ARK2N: variants seen among roughly 807,000 people sequenced by gnomAD.
ARK2N encodes the protein arkadia (RNF111) N-terminal like PKA signaling regulator 2N.
At chr18:46,255,445 C>CTTTTCTTTTTTTTTTTTTTT in the ARK2N span, among the ~76,000 whole-genome samples, 1 of 77,742 alleles carries the variant, frequency 1.3e-5, no homozygotes, top group African/African-American at 6.1e-5. Context: ...CTTTTCTTTT[C>CTTTTCTTTTTTTTTTTTTTT]TTTTTTTTTT....
chr18:46,238,454 GA>G, the ARK2N span, among the ~76,000 whole-genome samples: 14 of 151,902 alleles, frequency 9.2e-5, no homozygotes, highest in Admixed American at 7.9e-4. Flanking sequence ...TCTTTTTTTA[GA>G]AAAGAAAAAC....
chr18:46,192,635 C>T, the ARK2N span, among the ~76,000 whole-genome samples: 6 of 150,958 alleles, frequency 4.0e-5, no homozygotes, highest in African/African-American at 9.7e-5. Flanking sequence ...GATGTGATCT[C>T]GTCTCACTGC....
chr18:46,184,360 G>A, the ARK2N span, among the ~76,000 whole-genome samples: 1 of 152,168 alleles, frequency 6.6e-6, no homozygotes, highest in Non-Finnish European at 1.5e-5. Flanking sequence ...CTGACCTTGT[G>A]ATCTGCCTGC....
chr18:46,261,541 C>A, the ARK2N span, among the ~76,000 whole-genome samples: 5 of 152,210 alleles, frequency 3.3e-5, no homozygotes, highest in African/African-American at 1.2e-4. Context: ...TCCATGACTA[C>A]ATGGTCACTT....
chr18:46,254,000 G>C, the ARK2N span, among the ~76,000 whole-genome samples: 3 of 152,202 alleles, frequency 2.0e-5, no homozygotes, highest in African/African-American at 7.2e-5. Flanking sequence ...ATGAGCCTTA[G>C]AGTGTGTTAT....
At chr18:46,192,312 G>A in the ARK2N span, among the ~76,000 whole-genome samples, 2 of 152,026 alleles carry the variant, frequency 1.3e-5, no homozygotes, top group African/African-American at 2.4e-5. Flanking sequence ...GGTGGCTCAC[G>A]CCTGTAATCC....
At chr18:46,254,668 C>T in the ARK2N span, among the ~76,000 whole-genome samples, 122 of 152,208 alleles carry the variant, frequency 8.0e-4, 1 homozygote, top group Middle Eastern at 3.4e-3. Context: ...ATATAATCAT[C>T]GATGTCTGTT....
chr18:46,188,741 A>G, the ARK2N span, among the ~76,000 whole-genome samples: 1 of 152,218 alleles, frequency 6.6e-6, no homozygotes, highest in Admixed American at 6.6e-5. Context: ...GGCTGGGCGC[A>G]GTGGCTCATG....
chr18:46,236,638 A>G, the ARK2N span, among the ~76,000 whole-genome samples: 1 of 152,246 alleles, frequency 6.6e-6, no homozygotes, highest in South Asian at 2.1e-4. Context: ...TGAATCTTAA[A>G]TTGGAAATGT....
At chr18:46,190,994 A>G in the ARK2N span, among the ~76,000 whole-genome samples, 1 of 152,178 alleles carries the variant, frequency 6.6e-6, no homozygotes, top group South Asian at 2.1e-4. Context: ...CCAGTGTGCA[A>G]CTGGTCTCTG....
chr18:46,264,144 A>T, the ARK2N span: 13 of 152,734 alleles, frequency 8.5e-5, no homozygotes, highest in East Asian at 1.3e-3. Context: ...CTAAAAAAAA[A>T]TACCATAAGA....
chr18:46,225,648 G>T, the ARK2N span, among the ~76,000 whole-genome samples: 1 of 152,124 alleles, frequency 6.6e-6, no homozygotes, highest in Admixed American at 6.5e-5. Flanking sequence ...TTTTAGTAGA[G>T]ACAGGGTTTC....
At chr18:46,257,590 C>G in the ARK2N span, among the ~76,000 whole-genome samples, 1 of 152,012 alleles carries the variant, frequency 6.6e-6, no homozygotes, top group African/African-American at 2.4e-5. Context: ...GAGATGGAGA[C>G]TTTCCCAGCA....
chr18:46,175,651 C>T, the ARK2N span, among the ~76,000 whole-genome samples: 4 of 151,396 alleles, frequency 2.6e-5, no homozygotes, highest in Admixed American at 1.3e-4. Context: ...TACGGGCACG[C>T]GCCACCACGC....
At chr18:46,190,931 G>A in the ARK2N span, among the ~76,000 whole-genome samples, 15 of 152,062 alleles carry the variant, frequency 9.9e-5, no homozygotes, top group Admixed American at 2.0e-4. Flanking sequence ...ATCATCTGTG[G>A]TTTTTTTTAA....
At chr18:46,246,373 G>A in the ARK2N span, among the ~76,000 whole-genome samples, 1 of 152,170 alleles carries the variant, frequency 6.6e-6, no homozygotes, top group African/African-American at 2.4e-5. Context: ...TAATGGTCCT[G>A]GCTCTGAAAT....
At chr18:46,256,467 A>G in the ARK2N span, among the ~76,000 whole-genome samples, 7 of 152,302 alleles carry the variant, frequency 4.6e-5, no homozygotes, top group South Asian at 2.1e-4. Flanking sequence ...TTATATTTCT[A>G]TGAAAACCTG....
chr18:46,258,679 G>A, the ARK2N span, among the ~76,000 whole-genome samples: 1 of 152,184 alleles, frequency 6.6e-6, no homozygotes, highest in Non-Finnish European at 1.5e-5. Flanking sequence ...TGAGAACAAA[G>A]CCTGTATCTG....
the ARK2N span, among the ~76,000 whole-genome samples, chr18:46,185,264 T>G: frequency 6.6e-6 from 1 of 152,080 alleles, no homozygotes; most frequent in Non-Finnish European, 1.5e-5. Flanking sequence ...GCTGAGGGAG[T>G]AAGTAAAAAC....
Sources: allele counts gnomAD v4.1 joint callset (sites outside exome capture counted in the v4.1 genomes callset), GRCh38; gene constraint gnomAD v4.1.1; transcripts MANE v1.5; gene names NCBI Gene and HGNC (gene_info 2026-07-23, HGNC 2026-07-21).